PAM: variants seen among roughly 807,000 people sequenced by gnomAD.
PAM encodes peptidyl-glycine alpha-amidating monooxygenase.
Under a neutral mutation model 122.1 loss-of-function variants are expected in PAM, and 72 were observed. The ratio of observed to expected loss-of-function variants is 0.59; its 90% CI spans 0.49 to 0.72. The LOEUF is 0.72. Among genes scored for constraint, PAM ranks in the 30% least tolerant of loss-of-function variants. The pLI is 0.00. For synonymous variants in PAM, 389 were observed against 404.4 expected (o/e 0.96, Z 0.46); for missense variants, 1,106 against 1,183.7 (o/e 0.93, Z 0.96).
chr5:102,926,911 CT>C (rs1749763572), intron 7 of PAM, among the ~76,000 whole-genome samples: 1 of 152,160 alleles, frequency 6.6e-6, no homozygotes, highest in African/African-American at 2.4e-5. Context: ...ATAGAGCTCT[CT>C]TGCCTTCTAG....
At chr5:102,972,337 C>T (rs533039848) in intron 14 of PAM, among the ~76,000 whole-genome samples, 11 of 152,058 alleles carry the variant, frequency 7.2e-5, no homozygotes, top group South Asian at 4.2e-4. Flanking sequence ...GCTGGAGTAC[C>T]GTGGCGTGAT....
At position 102,959,899 on chromosome 5, in the gene PAM, C is replaced by T. The variant is rs1234727073; in HGVS notation, c.930C>T (p.Cys310=). 1 of 1,611,074 alleles carries T rather than the reference C, an allele frequency of 6.2e-7. No individual in the cohort carries two copies. The highest frequency in any genetic ancestry group is 1.3e-5 in the African/African-American group (1 of 74,760). The change falls in exon 13 of 26, where the codon TGC becomes TGT. Residue 310 remains cysteine (C), a synonymous_variant. Transcript: ENST00000438793. The part of the protein sequence containing the change: ...HIGGTSSDEM[C]NLYIMYYMEA... ...GTGGCACGTCTAGTGATGAAATGTGCAACTTATACATTATGTATTACATGG... is the reference window on the plus strand; with the variant it reads ...GTGGCACGTCTAGTGATGAAATGTGTAACTTATACATTATGTATTACATGG...
intron 7 of PAM, among the ~76,000 whole-genome samples, chr5:102,930,013 T>A (rs1289146494): frequency 1.3e-5 from 2 of 152,184 alleles, no homozygotes; most frequent in Non-Finnish European, 2.9e-5. Context: ...TTCCTTAGTA[T>A]GAAAAGATTG....
At chr5:102,983,319 G>A (rs972775434) in intron 15 of PAM, among the ~76,000 whole-genome samples, 12 of 151,608 alleles carry the variant, frequency 7.9e-5, no homozygotes, top group East Asian at 3.9e-4. Flanking sequence ...ACGGGGTGGC[G>A]TGTGCGTATA....
chr5:102,892,656 TTAAG>T (rs1008211770), intron 3 of PAM, among the ~76,000 whole-genome samples: 1 of 151,866 alleles, frequency 6.6e-6, no homozygotes, highest in African/African-American at 2.4e-5. Flanking sequence ...TGTACCAATT[TTAAG>T]TGTCACCAGC....
intron 1 of PAM, among the ~76,000 whole-genome samples, chr5:102,816,774 A>G (rs1307913920): frequency 6.6e-6 from 1 of 151,512 alleles, no homozygotes; most frequent in African/African-American, 2.4e-5. Flanking sequence ...CTCTATTAAA[A>G]CTCACTCTCT....
At chr5:103,020,605 C>T (rs1304111850) in intron 23 of PAM, among the ~76,000 whole-genome samples, 1 of 152,138 alleles carries the variant, frequency 6.6e-6, no homozygotes, top group East Asian at 1.9e-4. Context: ...AGGGTTTTGA[C>T]ATGTCATTTC....
intron 1 of PAM, among the ~76,000 whole-genome samples, chr5:102,776,543 T>A (rs987618187): frequency 7.9e-5 from 12 of 152,146 alleles, no homozygotes; most frequent in African/African-American, 2.9e-4. Flanking sequence ...CAGTTTCAAT[T>A]TTCTGCATAT....
At chr5:102,950,932 A>C in intron 12 of PAM, 112 bp downstream of exon 12, 1 of 646,346 alleles carries the variant, frequency 1.5e-6, no homozygotes, top group East Asian at 2.6e-5. Context: ...TGTCATGGAC[A>C]ATTACAACAA....
At chr5:102,895,505 AT>A (rs1795962479) in intron 3 of PAM, among the ~76,000 whole-genome samples, 2 of 151,714 alleles carry the variant, frequency 1.3e-5, no homozygotes, top group Admixed American at 6.6e-5. Context: ...ATTGAAAGAG[AT>A]TTAAAGGTAG....
intron 4 of PAM, among the ~76,000 whole-genome samples, chr5:102,906,641 C>A (rs1193136223): frequency 6.6e-6 from 1 of 151,652 alleles, no homozygotes; most frequent in Non-Finnish European, 1.5e-5. Flanking sequence ...TTTGGGAGGA[C>A]AAAGAACCAG....
chr5:102,900,255 G>T lies in PAM; in HGVS notation c.211-1101G>T, dbSNP rs1003155292. Among the ~76,000 whole-genome samples the T allele has an allele frequency of 2.5e-3, 205 of 82,892 alleles. 2 individuals carry two copies. The highest frequency in any genetic ancestry group is 9.3e-3 in the African/African-American group (187 of 20,142). 54.4% of individuals were successfully genotyped at this position (82,892 alleles called of 152,430 possible). ...TTCAGGTCTCTTAATGTGTGTGTGT[G>T]GGGGGGGGGCGGGGGGAAGAGGGTA... is the stretch of plus-strand genomic sequence containing the variant. On this transcript the variant is annotated intron_variant, in intron 3 of 25. Transcript: ENST00000438793.
rs1279842004 is a variant in PAM, at chr5:102,782,013, C to T, written c.-374+26665C>T. The stretch of plus-strand genomic sequence containing the variant: ...AAACAGCCAGTCTGCAGTCCACATC[C>T]GTGTTCTTGTCCACTACTTACTCCA... On this transcript the variant is annotated intron_variant, in intron 1 of 25. Transcript: ENST00000438793. Among the ~76,000 whole-genome samples the T allele has an allele frequency of 5.3e-5, 8 of 152,310 alleles. No homozygotes were observed. In the South Asian group the frequency reaches 1.0e-3, roughly 20 times the overall value.
chr5:102,945,414 A>G (rs903654442), intron 7 of PAM, among the ~76,000 whole-genome samples: 3 of 151,910 alleles, frequency 2.0e-5, no homozygotes, highest in African/African-American at 7.2e-5. Flanking sequence ...TAAATTCAAT[A>G]TTTATATTGA....
rs1201437458 is a variant in PAM, at chr5:102,946,863, T to C, written c.553T>C (p.Ser185Pro). 1.2e-6 allele frequency: 2 copies of C among 1,601,930 alleles called. No homozygotes were observed. The highest frequency in any genetic ancestry group is 8.5e-7 in the Non-Finnish European group (1 of 1,169,654). ...TAATAACAAGGACTGTTCTGGTGTG[T>C]CCTTACACCTCACACGTCTGCCGTA... ...RDNNKDCSGVSLHLTRLPQPL... is the reference protein window; with the variant it reads ...RDNNKDCSGVPLHLTRLPQPL... Residue 185 changes from serine (S) to proline (P), a missense_variant, in exon 8 of 26, where the codon TCC becomes CCC. By Grantham distance (74) the Ser-to-Pro change is moderately conservative. Around this residue, in one of 3 missense-constraint regions of PAM, gnomAD observed 670 missense variants for 690.3 expected, o/e 0.97. Transcript: ENST00000438793.
rs113748233 is a variant in PAM at position 102,974,180 on chromosome 5, A to C, written c.1227A>C (p.Lys409Asn). 3.2e-5 allele frequency: 51 copies of C among 1,613,798 alleles called. 1 individual carries two copies. In the East Asian group the frequency reaches 1.1e-3, roughly 35 times the overall value. The change falls in exon 15 of 26, where the codon AAA becomes AAC. Residue 409 changes from lysine (K) to asparagine (N), a missense_variant. Lys to Asn is a moderately conservative substitution (Grantham distance 94). Around this residue, in one of 3 missense-constraint regions of PAM, gnomAD observed 670 missense variants for 690.3 expected, o/e 0.97. Coordinates refer to ENST00000438793, the MANE Select transcript of PAM (RefSeq NM_001177306.2). ...GGGAAGATGTTGTTCATGTGCACAA[A>C]TATAATCCTACAGAAAAGGCAGAAT... The part of the protein sequence containing the change: ...GEREDVVHVH[K>N]YNPTEKAESE...
chr5:102,756,414 A>G (rs1750342230), intron 1 of PAM, among the ~76,000 whole-genome samples: 1 of 152,178 alleles, frequency 6.6e-6, no homozygotes, highest in South Asian at 2.1e-4. Context: ...TAGAAATTCA[A>G]GTAGAAGGAA....
chr5:102,916,873 C>T (rs1174075926), intron 5 of PAM, among the ~76,000 whole-genome samples: 1 of 151,486 alleles, frequency 6.6e-6, no homozygotes, highest in Non-Finnish European at 1.5e-5. Context: ...GTTGGGACTA[C>T]AGGCGCGTGC....
At chr5:102,876,343 A>G (rs1238464435) in intron 3 of PAM, among the ~76,000 whole-genome samples, 2 of 152,136 alleles carry the variant, frequency 1.3e-5, no homozygotes, top group Non-Finnish European at 2.9e-5. Context: ...TACCCCTGCA[A>G]TCTGTGCTCC....
Sources: gnomAD v4.1 joint callset for allele counts (sites outside exome capture counted in the v4.1 genomes callset) on GRCh38, gnomAD v4.1.1 for gene constraint, gnomAD v4.1.1 regional missense constraint, MANE v1.5 for transcripts, NCBI Gene and HGNC (gene_info 2026-07-23, HGNC 2026-07-21) for gene names.